Variants in PDE12 observed in about 807,000 individuals in gnomAD.
PDE12 encodes the protein 2',5'-phosphodiesterase 12.
Under a neutral mutation model 45.4 loss-of-function variants are expected in PDE12, and 26 were observed. That is an observed-to-expected ratio of 0.57 (90% CI 0.42 to 0.79). The LOEUF (loss-of-function observed/expected upper bound fraction) is 0.79. Among genes scored for constraint, PDE12 ranks in the 30% least tolerant of loss-of-function variants. PDE12 has a pLI of 0.00. For missense variants in PDE12, 668 were observed against 790.0 expected, an observed-to-expected ratio of 0.85 and a Z score of 1.85; for synonymous variants, 283 against 323.9, an observed-to-expected ratio of 0.87 and a Z score of 1.36.
At chr3:57,615,955 T>C in the PDE12 span, among the ~76,000 whole-genome samples, 4 of 152,064 alleles carry the variant, frequency 2.6e-5, no homozygotes, top group Non-Finnish European at 5.9e-5. Flanking sequence ...AATGAGGGAA[T>C]AATTTCATGT....
the PDE12 span, chr3:57,597,488 C>T: frequency 1.5e-5 from 3 of 198,056 alleles, no homozygotes; most frequent in South Asian, 1.6e-4. Flanking sequence ...TTCCGGTGCG[C>T]CCGAGCCACT....
the PDE12 span, among the ~76,000 whole-genome samples, chr3:57,577,553 G>T: frequency 6.6e-6 from 1 of 152,164 alleles, no homozygotes; most frequent in Non-Finnish European, 1.5e-5. Flanking sequence ...AGAACTATTT[G>T]TAAGTTTAAT....
At chr3:57,638,486 T>C in the PDE12 span, among the ~76,000 whole-genome samples, 4 of 151,408 alleles carry the variant, frequency 2.6e-5, no homozygotes, top group Non-Finnish European at 4.4e-5. Context: ...GGTGAATCCC[T>C]GTCTCTACTA....
At chr3:57,653,842 T>C in the PDE12 span, among the ~76,000 whole-genome samples, 15 of 151,610 alleles carry the variant, frequency 9.9e-5, no homozygotes, top group Non-Finnish European at 1.3e-4. Context: ...TTTTTTTTTT[T>C]TAGTACCACA....
chr3:57,650,575 C>T, the PDE12 span, among the ~76,000 whole-genome samples: 1 of 151,928 alleles, frequency 6.6e-6, no homozygotes, highest in Non-Finnish European at 1.5e-5. Flanking sequence ...CTAAAAAGAA[C>T]AAAGGCTTTT....
chr3:57,639,347 G>C, the PDE12 span, among the ~76,000 whole-genome samples: 1 of 152,160 alleles, frequency 6.6e-6, no homozygotes, highest in Non-Finnish European at 1.5e-5. Context: ...TTGGCAAACA[G>C]TTTGGTGATT....
At chr3:57,638,835 G>A in the PDE12 span, among the ~76,000 whole-genome samples, 1 of 152,118 alleles carries the variant, frequency 6.6e-6, no homozygotes, top group Non-Finnish European at 1.5e-5. Context: ...AGGTGTGGTG[G>A]CTCCCACCTG....
chr3:57,574,517 C>G, the PDE12 span, among the ~76,000 whole-genome samples: 1 of 151,486 alleles, frequency 6.6e-6, no homozygotes, highest in East Asian at 2.0e-4. Context: ...TCAAACAGTC[C>G]TCCCACCTCA....
At chr3:57,597,162 G>A in the PDE12 span, 3 of 1,608,752 alleles carry the variant, frequency 1.9e-6, no homozygotes, top group Non-Finnish European at 2.6e-6. Flanking sequence ...CACTTGTGAT[G>A]GGCAGAAGCA....
chr3:57,595,345 G>A, the PDE12 span, among the ~76,000 whole-genome samples: 2 of 152,282 alleles, frequency 1.3e-5, no homozygotes. Flanking sequence ...GAACAGACTG[G>A]AAATTCATTT....
chr3:57,651,511 G>A, the PDE12 span, among the ~76,000 whole-genome samples: 4 of 152,220 alleles, frequency 2.6e-5, no homozygotes, highest in Admixed American at 6.5e-5. Flanking sequence ...GGGCTGGGAA[G>A]AAGAGGGAAT....
At chr3:57,630,370 T>C in the PDE12 span, 2 of 1,465,314 alleles carry the variant, frequency 1.4e-6, no homozygotes, top group East Asian at 2.3e-5. Flanking sequence ...AGCATAATTA[T>C]CTTTATTTTC....
rs77076405 is a variant in PDE12, at chr3:57,564,988, AT to A, written c.*4998del. The A allele has an allele frequency of 4.7e-3, 673 of 142,394 alleles. No individual in the cohort carries two copies. Among genetic ancestry groups the A allele is most frequent in the African/African-American group, 5.2e-3 (204 of 39,100 alleles). The allele number at this position is 142,394 out of a possible 1,614,324, so 8.8% of individuals were successfully genotyped here. A position where few individuals can be genotyped will look rare whatever the true frequency, so the allele number is the denominator to read the frequency against. ...GAGCCACCCCACCCAGTCAGCACAC[AT>A]TTTTTTTTTTTTTAAATAAGACAGG... On this transcript the variant is annotated 3_prime_UTR_variant, in exon 3 of 3. Transcript: ENST00000311180.
the PDE12 span, chr3:57,654,649 A>G: frequency 1.0e-6 from 1 of 985,094 alleles, no homozygotes; most frequent in Non-Finnish European, 1.2e-6. Flanking sequence ...TTCTAATCTC[A>G]CCTCAAAAAC....
the PDE12 span, among the ~76,000 whole-genome samples, chr3:57,581,042 G>A: frequency 6.6e-6 from 1 of 152,060 alleles, no homozygotes; most frequent in African/African-American, 2.4e-5. Context: ...AGAAAAGCTA[G>A]GATTCTACAG....
the PDE12 span, among the ~76,000 whole-genome samples, chr3:57,581,527 G>A: frequency 3.3e-5 from 5 of 152,172 alleles, no homozygotes; most frequent in African/African-American, 7.2e-5. Context: ...TTGGCCAAGC[G>A]CAGTAGCTCA....
the PDE12 span, among the ~76,000 whole-genome samples, chr3:57,613,774 A>G: frequency 6.6e-6 from 1 of 151,596 alleles, no homozygotes; most frequent in South Asian, 2.1e-4. Context: ...GGTGGCAGGC[A>G]CCTGTAGTCC....
the PDE12 span, among the ~76,000 whole-genome samples, chr3:57,585,238 T>C: frequency 6.6e-6 from 1 of 152,192 alleles, no homozygotes; most frequent in East Asian, 1.9e-4. Context: ...TTCTTAAGAT[T>C]TGTAAAAATA....
the PDE12 span, among the ~76,000 whole-genome samples, chr3:57,589,237 C>T: frequency 1.3e-5 from 2 of 152,240 alleles, no homozygotes; most frequent in African/African-American, 4.8e-5. Flanking sequence ...CACTGTGCTT[C>T]AGCCTGGGCA....
Sources: gnomAD v4.1 joint callset for allele counts (sites outside exome capture counted in the v4.1 genomes callset) on GRCh38, gnomAD v4.1.1 for gene constraint, MANE v1.5 for transcripts, NCBI Gene and HGNC (gene_info 2026-07-23, HGNC 2026-07-21) for gene names.